The following PRKG1 variants were observed in gnomAD, a reference collection of about 807,000 sequenced individuals.
PRKG1 encodes the protein protein kinase cGMP-dependent 1, also known as cGMP-dependent protein kinase 1.
A neutral mutation model predicts 88.1 loss-of-function variants in PRKG1; 35 were observed. The observed-to-expected ratio is 0.40, with a 90% CI of 0.30 to 0.53. PRKG1 has a LOEUF of 0.53. PRKG1 is among the 20% of genes least tolerant of loss of function. The pLI is 0.59. For synonymous variants in PRKG1, 303 were observed against 292.5 expected (o/e 1.04, Z -0.37); for missense variants, 540 against 839.8 (o/e 0.64, Z 4.41).
At chr10:51,257,961 C>T (rs939374556) in intron 2 of PRKG1, among the ~76,000 whole-genome samples, 3 of 152,046 alleles carry the variant, frequency 2.0e-5, no homozygotes, top group African/African-American at 4.8e-5. Flanking sequence ...TATATGTCCC[C>T]TATTGGAATT....
chr10:50,994,746 G>T (rs1206852728), intron 1 of PRKG1, among the ~76,000 whole-genome samples: 2 of 151,228 alleles, frequency 1.3e-5, no homozygotes, highest in Non-Finnish European at 2.9e-5. Context: ...TGAAAGTGCA[G>T]TCGGCCCCTT....
At chr10:51,267,709 G>A (rs1839872325) in intron 2 of PRKG1, among the ~76,000 whole-genome samples, 1 of 152,064 alleles carries the variant, frequency 6.6e-6, no homozygotes, top group Non-Finnish European at 1.5e-5. Context: ...TAAAAATTCT[G>A]GAAGATAACA....
chr10:51,875,383 T>TA (rs1457937808), intron 4 of PRKG1, among the ~76,000 whole-genome samples: 24 of 151,994 alleles, frequency 1.6e-4, no homozygotes, highest in African/African-American at 5.3e-4. Flanking sequence ...AATAATTGTT[T>TA]TAAAAAAAAA....
rs555591869 is a variant in PRKG1, at chr10:51,234,746, T to C, written c.478+81416T>C. 1.6e-4 allele frequency among the ~76,000 whole-genome samples: 24 copies of C among 152,012 alleles called. 2 individuals carry two copies. Among genetic ancestry groups the C allele is most frequent in the South Asian group, 1.2e-3 (6 of 4,812 alleles). ...TTTGTATTTTTTTCCTCAATTAGAG[T>C]CCTAGCCAATAAACATTCAAGTCAA... On this transcript the variant is annotated intron_variant, in intron 2 of 17. Coordinates refer to ENST00000373980, the MANE Select transcript of PRKG1 (RefSeq NM_006258.4).
intron 1 of PRKG1, among the ~76,000 whole-genome samples, chr10:51,092,696 A>G (rs1844427333): frequency 6.6e-6 from 1 of 151,774 alleles, no homozygotes; most frequent in South Asian, 2.1e-4. Context: ...TTGTGCGGGT[A>G]CCAGAAATGA....
intron 4 of PRKG1, among the ~76,000 whole-genome samples, chr10:51,898,572 T>A (rs1172149499): frequency 2.0e-5 from 3 of 152,136 alleles, no homozygotes; most frequent in Non-Finnish European, 2.9e-5. Context: ...CAGTGGCTCA[T>A]GCCTATAACT....
intron 4 of PRKG1, among the ~76,000 whole-genome samples, chr10:51,828,297 A>G (rs1839925267): frequency 6.6e-6 from 1 of 152,026 alleles, no homozygotes; most frequent in Non-Finnish European, 1.5e-5. Flanking sequence ...AGTATATTTC[A>G]TAATCCTCAC....
At chr10:51,782,496 G>A (rs1012161686) in intron 3 of PRKG1, among the ~76,000 whole-genome samples, 10 of 152,082 alleles carry the variant, frequency 6.6e-5, no homozygotes, top group African/African-American at 2.2e-4. Flanking sequence ...GCACAGAGAG[G>A]TTAAGTAACT....
intron 5 of PRKG1, among the ~76,000 whole-genome samples, chr10:51,977,341 G>A (rs1226409584): frequency 2.6e-5 from 4 of 151,922 alleles, no homozygotes; most frequent in Non-Finnish European, 5.9e-5. Flanking sequence ...TGGTGTATAC[G>A]TACCACCTTT....
intron 2 of PRKG1, among the ~76,000 whole-genome samples, chr10:51,335,008 T>TC (rs1841838532): frequency 7.3e-6 from 1 of 137,362 alleles, no homozygotes; most frequent in South Asian, 2.5e-4. Context: ...TCTTTTTTTT[T>TC]TTTTTTTTTT....
At chr10:51,266,688 TG>T (rs1330791060) in intron 2 of PRKG1, among the ~76,000 whole-genome samples, 2 of 152,176 alleles carry the variant, frequency 1.3e-5, no homozygotes, top group African/African-American at 4.8e-5. Flanking sequence ...TAAAACAGAA[TG>T]GAATACTTGC....
chr10:51,671,675 C>T (rs1258248557), intron 3 of PRKG1, among the ~76,000 whole-genome samples: 1 of 151,966 alleles, frequency 6.6e-6, no homozygotes, highest in Non-Finnish European at 1.5e-5. Context: ...CAACCTCCAC[C>T]TCCCGGGTTC....
intron 7 of PRKG1, among the ~76,000 whole-genome samples, chr10:52,106,744 T>TAATAATAAA (rs1268365466): frequency 6.7e-5 from 9 of 133,440 alleles, no homozygotes; most frequent in African/African-American, 2.1e-4. Flanking sequence ...ATAATAATAA[T>TAATAATAAA]AATAAAGTAA....
chr10:51,182,077 A>G (rs944306099), intron 2 of PRKG1, among the ~76,000 whole-genome samples: 11 of 152,172 alleles, frequency 7.2e-5, no homozygotes, highest in African/African-American at 2.4e-4. Flanking sequence ...TTTTTCCAAA[A>G]TAACTTTTTA....
chr10:51,189,218 C>G (rs1415638607), intron 2 of PRKG1, among the ~76,000 whole-genome samples: 10 of 151,996 alleles, frequency 6.6e-5, no homozygotes, highest in Admixed American at 3.9e-4. Flanking sequence ...TTATGGTACT[C>G]ATAGCAAACT....
chr10:52,171,819 G>C (rs1191556434), intron 9 of PRKG1, among the ~76,000 whole-genome samples: 1 of 91,698 alleles, frequency 1.1e-5, no homozygotes, highest in Non-Finnish European at 1.7e-5. Context: ...TTTTTGAGAC[G>C]GAGTCTCGCT....
At chr10:52,212,617 G>T (rs577854443) in intron 9 of PRKG1, among the ~76,000 whole-genome samples, 4 of 151,062 alleles carry the variant, frequency 2.6e-5, no homozygotes, top group African/African-American at 4.9e-5. Flanking sequence ...GGTGGTGTAG[G>T]GGAGAGAGAG....
At chr10:51,552,812 G>C (rs377429795) in intron 3 of PRKG1, among the ~76,000 whole-genome samples, 1 of 151,580 alleles carries the variant, frequency 6.6e-6, no homozygotes, top group African/African-American at 2.4e-5. Context: ...TCACCATGAA[G>C]TTTCTTCTAC....
chr10:51,349,998 A>G (rs1163298035), intron 2 of PRKG1, among the ~76,000 whole-genome samples: 1 of 152,228 alleles, frequency 6.6e-6, no homozygotes, highest in African/African-American at 2.4e-5. Flanking sequence ...GAACATAAAT[A>G]CCATGGAGTT....
Sources: allele counts gnomAD v4.1 joint callset (sites outside exome capture counted in the v4.1 genomes callset), GRCh38; gene constraint gnomAD v4.1.1; transcripts MANE v1.5; gene names NCBI Gene and HGNC (gene_info 2026-07-23, HGNC 2026-07-21).